ANTXR1: variants seen among roughly 807,000 people sequenced by gnomAD.
The protein encoded by ANTXR1 is anthrax toxin receptor 1.
Under a neutral mutation model 78.1 loss-of-function variants are expected in ANTXR1, and 19 were observed. The ratio of observed to expected loss-of-function variants is 0.24; its 90% CI spans 0.17 to 0.36. The LOEUF is 0.36. Among genes scored for constraint, ANTXR1 ranks in the 10% least tolerant of loss-of-function variants. The pLI is 1.00. For synonymous variants in ANTXR1, 273 were observed against 260.5 expected (o/e 1.05, Z -0.46); for missense variants, 518 against 718.6 (o/e 0.72, Z 3.19).
intron 13 of ANTXR1, among the ~76,000 whole-genome samples, chr2:69,157,521 G>A (rs1356333545): frequency 6.6e-6 from 1 of 151,778 alleles, no homozygotes. Flanking sequence ...CAATGGATGT[G>A]CCATTGTTCT....
intron 10 of ANTXR1, among the ~76,000 whole-genome samples, chr2:69,106,948 G>A (rs1230040790): frequency 6.6e-6 from 1 of 152,078 alleles, no homozygotes; most frequent in Non-Finnish European, 1.5e-5. Context: ...AGATCATAGG[G>A]GAAAGAATAC....
chr2:69,232,761 C>T (rs1048566405), intron 17 of ANTXR1, among the ~76,000 whole-genome samples: 16 of 152,080 alleles, frequency 1.1e-4, no homozygotes, highest in East Asian at 5.8e-4. Context: ...AGCAGAAACA[C>T]GGAATCTATG....
intron 16 of ANTXR1, among the ~76,000 whole-genome samples, chr2:69,185,470 G>C (rs1416470022): frequency 6.6e-6 from 1 of 151,804 alleles, no homozygotes; most frequent in African/African-American, 2.4e-5. Flanking sequence ...AACCCAGGAG[G>C]CAGAGGTTGC....
At chr2:69,016,000 G>A (rs1671014524) in intron 1 of ANTXR1, among the ~76,000 whole-genome samples, 1 of 152,106 alleles carries the variant, frequency 6.6e-6, no homozygotes, top group Non-Finnish European at 1.5e-5. Context: ...TATTAGGTTG[G>A]CAAAAACTTT....
At chr2:69,190,628 TAGGGAGA>T (rs1473157602) in intron 16 of ANTXR1, among the ~76,000 whole-genome samples, 10 of 152,172 alleles carry the variant, frequency 6.6e-5, no homozygotes, top group Admixed American at 3.9e-4. Flanking sequence ...AAGTAAGGCT[TAGGGAGA>T]TGAAACTACT....
chr2:69,164,060 G>C (rs1038131344), intron 13 of ANTXR1, among the ~76,000 whole-genome samples: 5 of 152,204 alleles, frequency 3.3e-5, no homozygotes, highest in African/African-American at 4.8e-5. Context: ...AAAACAGACT[G>C]TGCGTGTAGT....
intron 8 of ANTXR1, among the ~76,000 whole-genome samples, chr2:69,079,426 A>T (rs1192206552): frequency 6.6e-6 from 1 of 152,076 alleles, no homozygotes; most frequent in Non-Finnish European, 1.5e-5. Flanking sequence ...TCATTGAAAA[A>T]CCAGGGAAAG....
At chr2:69,034,325 C>T (rs1671613539) in intron 1 of ANTXR1, among the ~76,000 whole-genome samples, 1 of 152,178 alleles carries the variant, frequency 6.6e-6, no homozygotes, top group South Asian at 2.1e-4. Context: ...AGGACATTGA[C>T]TCTGGTTTTG....
At chr2:69,172,237 C>A in intron 14 of ANTXR1, 1 of 715,004 alleles carries the variant, frequency 1.4e-6, no homozygotes, top group East Asian at 2.6e-5. Flanking sequence ...AACTGGAGAC[C>A]TAGGCAATAA....
chr2:69,090,247 T>C (rs747268345), intron 8 of ANTXR1, among the ~76,000 whole-genome samples: 17 of 151,752 alleles, frequency 1.1e-4, no homozygotes, highest in Non-Finnish European at 1.5e-4. Flanking sequence ...CTCTATCTAG[T>C]ATCACTCTCT....
intron 3 of ANTXR1, among the ~76,000 whole-genome samples, chr2:69,052,751 T>C (rs1442492838): frequency 6.6e-6 from 1 of 152,170 alleles, no homozygotes; most frequent in Non-Finnish European, 1.5e-5. Context: ...CCAATATCTC[T>C]TTATATTCTA....
intron 9 of ANTXR1, among the ~76,000 whole-genome samples, chr2:69,101,992 G>T (rs554464019): frequency 6.6e-6 from 1 of 152,320 alleles, no homozygotes; most frequent in South Asian, 2.1e-4. Flanking sequence ...TTATTCATGT[G>T]CATTAATCAA....
At position 69,246,826 on chromosome 2, in the gene ANTXR1, G is replaced by A. The variant is rs1252128716; in HGVS notation, c.*1341G>A. 6.6e-6 allele frequency: 1 copy of A among 152,092 alleles called. No homozygotes were observed. The highest frequency in any genetic ancestry group is 1.9e-4 in the East Asian group (1 of 5,194). 9.4% of individuals were successfully genotyped at this position (152,092 alleles called of 1,614,324 possible). On this transcript the variant is annotated 3_prime_UTR_variant, in exon 18 of 18. Transcript: ENST00000303714. ...GATAAAAACAGAGATCATTGTCTTG[G>A]ACCTCCTGCATCAGCCTATTCAAAA... is the stretch of plus-strand genomic sequence containing the variant.
intron 9 of ANTXR1, among the ~76,000 whole-genome samples, chr2:69,100,213 C>A (rs935021286): frequency 2.0e-5 from 3 of 152,188 alleles, no homozygotes; most frequent in African/African-American, 7.2e-5. Context: ...CACTTACTGG[C>A]AGATTCATTC....
Position 69,013,396 on chromosome 2 carries a change from A to G in ANTXR1, c.-104A>G. The G allele has an allele frequency of 2.0e-6, 3 of 1,501,946 alleles. No individual in the cohort carries two copies. In the South Asian group the frequency reaches 3.6e-5, roughly 18 times the overall value. 93.0% of individuals were successfully genotyped at this position (1,501,946 alleles called of 1,614,324 possible). A position where few individuals can be genotyped will look rare whatever the true frequency, so the allele number is the denominator to read the frequency against. On this transcript the variant is annotated 5_prime_UTR_variant, in exon 1 of 18. Coordinates refer to ENST00000303714, the MANE Select transcript of ANTXR1 (RefSeq NM_032208.3). The surrounding 1 kb of genome is among the most constrained non-coding windows in gnomAD (Gnocchi z 5.0). The stretch of plus-strand genomic sequence containing the variant: ...AGTTGCGAGGGAGCGAGGGGGAATA[A>G]AGGACCCGCGAGGAAGGGCCCGCGG...
At chr2:69,074,362 C>T (rs1293286399) in intron 6 of ANTXR1, among the ~76,000 whole-genome samples, 2 of 152,062 alleles carry the variant, frequency 1.3e-5, no homozygotes, top group Admixed American at 6.6e-5. Context: ...AAAGTAAAAA[C>T]CCTAATAAGG....
chr2:69,098,929 T>C (rs1269400972), intron 9 of ANTXR1, among the ~76,000 whole-genome samples: 1 of 152,202 alleles, frequency 6.6e-6, no homozygotes. Context: ...GAGGTTGCAG[T>C]GAGCCAAGAT....
intron 3 of ANTXR1, among the ~76,000 whole-genome samples, chr2:69,046,734 A>G (rs1383938306): frequency 6.6e-6 from 1 of 152,212 alleles, no homozygotes; most frequent in East Asian, 1.9e-4. Flanking sequence ...AGATCTTCCA[A>G]GCTAGTACTG....
chr2:69,068,892 T>C (rs1287578361), intron 3 of ANTXR1, among the ~76,000 whole-genome samples: 3 of 152,140 alleles, frequency 2.0e-5, no homozygotes, highest in African/African-American at 7.2e-5. Context: ...CAAGATATGT[T>C]TGAAGTAGAA....
Sources: allele counts gnomAD v4.1 joint callset (sites outside exome capture counted in the v4.1 genomes callset), GRCh38; gene constraint gnomAD v4.1.1; non-coding constraint Gnocchi (gnomAD v3.1); transcripts MANE v1.5; gene names NCBI Gene and HGNC (gene_info 2026-07-23, HGNC 2026-07-21).